Variants in WWOX observed in about 807,000 individuals in gnomAD.
WWOX encodes WW domain-containing oxidoreductase.
In WWOX, 69 loss-of-function variants were observed where a neutral mutation model predicts 46.2. The ratio of observed to expected loss-of-function variants is 1.49; its 90% CI spans 1.23 to 1.82. The LOEUF (loss-of-function observed/expected upper bound fraction) is 1.82. Among genes scored for constraint, WWOX ranks in the 40% most tolerant of loss-of-function variants. The pLI is 0.00. For missense variants in WWOX, 919 were observed against 542.6 expected (o/e 1.69, Z -6.89); for synonymous variants, 359 against 202.6 (o/e 1.77, Z -6.56).
rs113538195 is a variant in WWOX at position 78,548,763 on chromosome 16, G to A, written c.1056+116011G>A. 2.6e-4 allele frequency among the ~76,000 whole-genome samples: 40 copies of A among 152,244 alleles called. 1 individual carries two copies. Among genetic ancestry groups the A allele is most frequent in the African/African-American group, 9.4e-4 (39 of 41,546 alleles). ...GAATGCTAATGGGACTTAGTGTAAT[G>A]GTTTAGTTCAGGTTTGTTGGTTTGA... On this transcript the variant is annotated intron_variant, in intron 8 of 8. Transcript: ENST00000566780.
At chr16:78,960,886 T>G (rs1651458256) in intron 8 of WWOX, among the ~76,000 whole-genome samples, 1 of 152,236 alleles carries the variant, frequency 6.6e-6, no homozygotes, top group South Asian at 2.1e-4. Flanking sequence ...TTTGAAGACT[T>G]GATGTCAAAA....
At chr16:78,637,895 A>G (rs929819856) in intron 8 of WWOX, among the ~76,000 whole-genome samples, 1 of 152,120 alleles carries the variant, frequency 6.6e-6, no homozygotes, top group East Asian at 1.9e-4. Context: ...TGGTACCAGC[A>G]TCCCTTCCTT....
At chr16:78,798,334 T>G (rs1415991619) in intron 8 of WWOX, among the ~76,000 whole-genome samples, 2 of 152,090 alleles carry the variant, frequency 1.3e-5, no homozygotes, top group Admixed American at 6.6e-5. Context: ...AAAAAAATCT[T>G]GCCTTTCCCT....
intron 8 of WWOX, among the ~76,000 whole-genome samples, chr16:79,049,105 T>G (rs1028397930): frequency 6.6e-6 from 1 of 152,230 alleles, no homozygotes; most frequent in East Asian, 1.9e-4. Context: ...GCAGACTGTT[T>G]CTGCAAACAG....
rs201534888 is a variant in WWOX, at chr16:78,258,210, A to G, written c.516+93921A>G. 9.8e-5 allele frequency among the ~76,000 whole-genome samples: 15 copies of G among 152,294 alleles called. No homozygotes were observed. In the East Asian group the frequency reaches 2.7e-3, roughly 27 times the overall value. ...ATATTAGCCACTTGTACAAAAACAA[A>G]CCAGTCATATCATAGCATTAATAAC... On this transcript the variant is annotated intron_variant, in intron 5 of 8. Coordinates refer to ENST00000566780, the MANE Select transcript of WWOX (RefSeq NM_016373.4).
At chr16:78,703,251 G>A (rs975048484) in intron 8 of WWOX, among the ~76,000 whole-genome samples, 3 of 152,026 alleles carry the variant, frequency 2.0e-5, no homozygotes, top group African/African-American at 4.8e-5. Context: ...CATTCACCCC[G>A]GCAGCCCATC....
intron 8 of WWOX, among the ~76,000 whole-genome samples, chr16:79,158,292 AAGAC>A (rs752099579): frequency 6.6e-6 from 1 of 152,236 alleles, no homozygotes; most frequent in African/African-American, 2.4e-5. Context: ...TTTCAAGAAA[AAGAC>A]AGAGAAACAA....
chr16:78,881,468 A>G (rs545434584), intron 8 of WWOX, among the ~76,000 whole-genome samples: 3 of 152,346 alleles, frequency 2.0e-5, no homozygotes, highest in East Asian at 3.9e-4. Context: ...AAAGTTTCCA[A>G]TGCATTTAGA....
At chr16:78,839,839 T>A (rs1055126933) in intron 8 of WWOX, among the ~76,000 whole-genome samples, 1 of 152,288 alleles carries the variant, frequency 6.6e-6, no homozygotes, top group Non-Finnish European at 1.5e-5. Context: ...CTAGAGATAT[T>A]TCTCCAAGTG....
chr16:78,101,110 C>T (rs1291066677), intron 1 of WWOX, among the ~76,000 whole-genome samples: 2 of 151,420 alleles, frequency 1.3e-5, no homozygotes, highest in African/African-American at 2.4e-5. Flanking sequence ...TGCAGCGGCG[C>T]GATCTCGGCT....
At chr16:78,629,825 A>T (rs1208181077) in intron 8 of WWOX, among the ~76,000 whole-genome samples, 2 of 152,206 alleles carry the variant, frequency 1.3e-5, no homozygotes, top group Non-Finnish European at 2.9e-5. Flanking sequence ...GATTTTTAGA[A>T]ATAGAAAAAA....
intron 8 of WWOX, among the ~76,000 whole-genome samples, chr16:78,812,330 G>A (rs752853961): frequency 6.6e-6 from 1 of 152,118 alleles, no homozygotes; most frequent in Non-Finnish European, 1.5e-5. Context: ...TGGGTTTTGA[G>A]ACCCTCAGGG....
intron 8 of WWOX, among the ~76,000 whole-genome samples, chr16:79,141,678 T>G (rs2050091727): frequency 1.3e-5 from 2 of 151,956 alleles, no homozygotes; most frequent in Admixed American, 1.3e-4. Flanking sequence ...AAGGAAGCAG[T>G]GTCCATTAGG....
In WWOX at chr16:78,432,880, T is replaced by C. The variant is rs1402592241; in HGVS notation, c.1056+128T>C. On this transcript the variant is annotated intron_variant, in intron 8 of 8. Coordinates refer to ENST00000566780, the MANE Select transcript of WWOX (RefSeq NM_016373.4). The stretch of plus-strand genomic sequence containing the variant: ...AGTAATAACATTGTCCAGCCCATCA[T>C]AAAGGGCTCTTGAACACATTTTCAT... The C allele has an allele frequency of 2.8e-6, 4 of 1,419,246 alleles. No homozygotes were observed. In the Admixed American group the frequency reaches 6.8e-5, roughly 24 times the overall value. 87.9% of individuals were successfully genotyped at this position (1,419,246 alleles called of 1,614,324 possible). A position where few individuals can be genotyped will look rare whatever the true frequency, so the allele number is the denominator to read the frequency against.
chr16:78,571,867 A>G (rs72803966), intron 8 of WWOX, among the ~76,000 whole-genome samples: 7,369 of 152,222 alleles, frequency 0.048, 220 homozygotes, highest in Non-Finnish European at 0.072. Context: ...TTCCATCTCA[A>G]AAAAAGGCAT....
intron 8 of WWOX, among the ~76,000 whole-genome samples, chr16:79,130,750 T>C (rs923420497): frequency 6.6e-5 from 10 of 152,174 alleles, no homozygotes; most frequent in African/African-American, 1.9e-4. Flanking sequence ...ATCGCCACAA[T>C]GTATTACAGA....
chr16:78,940,575 G>A (rs1440911972), intron 8 of WWOX, among the ~76,000 whole-genome samples: 2 of 152,074 alleles, frequency 1.3e-5, no homozygotes, highest in African/African-American at 2.4e-5. Context: ...ACCTGAGTGG[G>A]GGTATATAGG....
At chr16:79,071,273 C>G (rs996898827) in intron 8 of WWOX, among the ~76,000 whole-genome samples, 1 of 152,220 alleles carries the variant, frequency 6.6e-6, no homozygotes, top group Non-Finnish European at 1.5e-5. Flanking sequence ...ACATTTTTGA[C>G]AACCTGACAA....
At chr16:78,629,925 C>G (rs185868488) in intron 8 of WWOX, among the ~76,000 whole-genome samples, 78 of 152,238 alleles carry the variant, frequency 5.1e-4, no homozygotes, top group African/African-American at 1.9e-3. Context: ...TAACGTAGAT[C>G]ACAGAAAATT....
Sources: allele counts gnomAD v4.1 joint callset (sites outside exome capture counted in the v4.1 genomes callset), GRCh38; gene constraint gnomAD v4.1.1; transcripts MANE v1.5; gene names NCBI Gene and HGNC (gene_info 2026-07-23, HGNC 2026-07-21).